Variants in KIRREL3 observed in about 807,000 individuals in gnomAD.
KIRREL3 encodes the protein kirre like nephrin family adhesion molecule 3.
KIRREL3 carries 36 observed loss-of-function variants against 89.7 expected under a neutral mutation model. The ratio of observed to expected loss-of-function variants is 0.40; its 90% CI spans 0.31 to 0.53. The LOEUF (loss-of-function observed/expected upper bound fraction) is 0.53. Ranked by LOEUF, KIRREL3 falls within the 20% of genes least tolerant of loss-of-function variation. The pLI is 0.49. For missense variants in KIRREL3, 864 were observed against 1,056.6 expected, an observed-to-expected ratio of 0.82 and a Z score of 2.53; for synonymous variants, 445 against 441.4, an observed-to-expected ratio of 1.01 and a Z score of -0.10.
rs1322425128 is a variant in KIRREL3 at position 126,797,118 on chromosome 11, C to G, written c.55+203337G>C. 6.6e-6 allele frequency among the ~76,000 whole-genome samples: 1 copy of G among 152,152 alleles called. No individual in the cohort carries two copies. The highest frequency in any genetic ancestry group is 2.4e-5 in the African/African-American group (1 of 41,422). On this transcript the variant is annotated intron_variant, in intron 1 of 16. Transcript: ENST00000525144. This position sits in a 1 kb window ranked among gnomAD's most constrained non-coding sequence, Gnocchi z 4.9. ...GATCCCCCAGAGCCCACATTCGGGG[C>G]CACCTGGAGTTAGCAAATCAGAGGC...
Position 126,565,476 on chromosome 11 carries a change from C to A in KIRREL3, c.56-2564G>T, listed in dbSNP as rs964843949. 6.6e-6 allele frequency among the ~76,000 whole-genome samples: 1 copy of A among 152,134 alleles called. No homozygotes were observed. The highest frequency in any genetic ancestry group is 1.5e-5 in the Non-Finnish European group (1 of 68,040). On this transcript the variant is annotated intron_variant, in intron 1 of 16. Coordinates refer to ENST00000525144, the MANE Select transcript of KIRREL3 (RefSeq NM_032531.4). This position sits in a 1 kb window ranked among gnomAD's most constrained non-coding sequence, Gnocchi z 5.4. ...TGTATTTGGCTCATTTAATTTGACACGCGTGGGTTAGTCTTAATTATTTAG... is the reference window on the plus strand; with the variant it reads ...TGTATTTGGCTCATTTAATTTGACAAGCGTGGGTTAGTCTTAATTATTTAG...
chr11:126,691,988 G>C (rs1310038488), intron 1 of KIRREL3, among the ~76,000 whole-genome samples: 3 of 152,178 alleles, frequency 2.0e-5, no homozygotes, highest in African/African-American at 7.2e-5. Context: ...CACCCATTAC[G>C]ATAGCCACTA....
At chr11:126,885,822 G>T (rs574177206) in intron 1 of KIRREL3, among the ~76,000 whole-genome samples, 4 of 152,272 alleles carry the variant, frequency 2.6e-5, no homozygotes, top group African/African-American at 9.6e-5. Context: ...GGCTTTGAAA[G>T]AGGTTTCACT....
rs1958107045 is a variant in KIRREL3, at chr11:126,508,763, C to T, written c.433+12552G>A. On this transcript the variant is annotated intron_variant, in intron 4 of 16. Transcript: ENST00000525144. The surrounding 1 kb of genome is among the most constrained non-coding windows in gnomAD (Gnocchi z 4.9). ...TGACCTTGGGCAAGGTAATGAGCCT[C>T]TATGTCTCAGCTTCCTCGTCCGTAA... Among the ~76,000 whole-genome samples, 2 of 152,264 alleles carry T rather than the reference C, an allele frequency of 1.3e-5. No individual in the cohort carries two copies. Among genetic ancestry groups the T allele is most frequent in the South Asian group, 2.1e-4 (1 of 4,818 alleles).
At position 126,430,063 on chromosome 11, in the gene KIRREL3, G is replaced by A. The variant is rs1214471292; in HGVS notation, c.1697-775C>T. Among the ~76,000 whole-genome samples, 1 of 152,060 alleles carries A rather than the reference G, an allele frequency of 6.6e-6. No individual in the cohort carries two copies. The highest frequency in any genetic ancestry group is 1.5e-5 in the Non-Finnish European group (1 of 68,020). On this transcript the variant is annotated intron_variant, in intron 14 of 16. Transcript: ENST00000525144. The surrounding 1 kb of genome is among the most constrained non-coding windows in gnomAD (Gnocchi z 6.6). ...GCATGAGACTCGCTTGAATGAACCC[G>A]GGAGGCAGCGGCTGCGGTAAGCCGA...
At chr11:126,781,760 C>T (rs1455003549) in intron 1 of KIRREL3, among the ~76,000 whole-genome samples, 1 of 152,168 alleles carries the variant, frequency 6.6e-6, no homozygotes, top group East Asian at 1.9e-4. Flanking sequence ...GGCTCACCCA[C>T]TTTGATTTAC....
Position 126,900,172 on chromosome 11 carries a change from T to C in KIRREL3, c.55+100283A>G, listed in dbSNP as rs1894223. On this transcript the variant is annotated intron_variant, in intron 1 of 16. Transcript: ENST00000525144. The surrounding 1 kb of genome is among the most constrained non-coding windows in gnomAD (Gnocchi z 4.4). Reference sequence around the variant, plus strand: ...GTGTATCTGTTCCCATGTGTGTAAATATACAGCTCTCATGTGCCTAATTTA... The same window carrying C: ...GTGTATCTGTTCCCATGTGTGTAAACATACAGCTCTCATGTGCCTAATTTA... Among the ~76,000 whole-genome samples, 70,203 of 152,068 alleles carry C rather than the reference T, an allele frequency of 0.46. 18,445 individuals carry two copies. Among genetic ancestry groups the C allele is most frequent in the African/African-American group, 0.72 (30,035 of 41,484 alleles).
chr11:126,828,204 T>A (rs1305414043), intron 1 of KIRREL3, among the ~76,000 whole-genome samples: 1 of 152,236 alleles, frequency 6.6e-6, no homozygotes, highest in East Asian at 1.9e-4. Flanking sequence ...GTTTACTGAG[T>A]GCTTTAACAA....
rs556252199 is a variant in KIRREL3, at chr11:126,719,685, C to G, written c.56-156773G>C. ...ATCCTTCCTTTTGCGACTTCTAAGG[C>G]CACAACCTTAGAAGTCATCCCTGAT... On this transcript the variant is annotated intron_variant, in intron 1 of 16. Transcript: ENST00000525144. This position sits in a 1 kb window ranked among gnomAD's most constrained non-coding sequence, Gnocchi z 4.7. Among the ~76,000 whole-genome samples, 1 of 152,288 alleles carries G rather than the reference C, an allele frequency of 6.6e-6. No individual in the cohort carries two copies. The highest frequency in any genetic ancestry group is 2.1e-4 in the South Asian group (1 of 4,822).
intron 1 of KIRREL3, among the ~76,000 whole-genome samples, chr11:126,725,268 C>T (rs191553036): frequency 3.9e-5 from 6 of 152,262 alleles, no homozygotes; most frequent in Admixed American, 3.3e-4. Context: ...TAGTGAGCTC[C>T]AGAGACTTAG....
chr11:126,472,569 C>T (rs190933765), intron 5 of KIRREL3, among the ~76,000 whole-genome samples: 715 of 152,292 alleles, frequency 4.7e-3, no homozygotes, highest in Non-Finnish European at 8.6e-3. Flanking sequence ...TTGGGAGCCA[C>T]AAACATTCAG....
chr11:126,442,462 G>A (rs1591539428), intron 10 of KIRREL3, among the ~76,000 whole-genome samples: 1 of 152,098 alleles, frequency 6.6e-6, no homozygotes, highest in African/African-American at 2.4e-5. Flanking sequence ...ATGAAAACCA[G>A]GATAAAGGGA....
intron 6 of KIRREL3, 113 bp from the exon 7 acceptor site, chr11:126,456,567 G>GC: frequency 2.9e-6 from 2 of 695,036 alleles, no homozygotes; most frequent in East Asian, 2.7e-5. Flanking sequence ...CCTCAGAGCA[G>GC]CCCCCGCCCT....
chr11:126,659,036 C>G (rs1191706396), intron 1 of KIRREL3, among the ~76,000 whole-genome samples: 1 of 152,190 alleles, frequency 6.6e-6, no homozygotes, highest in Non-Finnish European at 1.5e-5. Flanking sequence ...TTATAGGAAA[C>G]CATTTAGACT....
In KIRREL3 at chr11:126,535,979, C is replaced by A. The variant is rs1937830948; in HGVS notation, c.134-9292G>T. ...CAGCCTAGGGGACAGAGTGAGACTCCATCACAAAAAAAAAGATTTTGGTTG... is the reference window on the plus strand; with the variant it reads ...CAGCCTAGGGGACAGAGTGAGACTCAATCACAAAAAAAAAGATTTTGGTTG... On this transcript the variant is annotated intron_variant, in intron 2 of 16. Coordinates refer to ENST00000525144, the MANE Select transcript of KIRREL3 (RefSeq NM_032531.4). The surrounding 1 kb of genome is among the most constrained non-coding windows in gnomAD (Gnocchi z 4.5). 6.6e-6 allele frequency among the ~76,000 whole-genome samples: 1 copy of A among 151,086 alleles called. No individual in the cohort carries two copies. The highest frequency in any genetic ancestry group is 1.5e-5 in the Non-Finnish European group (1 of 67,792).
chr11:126,824,741 T>C (rs1943347954), intron 1 of KIRREL3, among the ~76,000 whole-genome samples: 1 of 152,228 alleles, frequency 6.6e-6, no homozygotes, highest in Admixed American at 6.5e-5. Flanking sequence ...TTGGTCTGGC[T>C]CAGTAAATCT....
chr11:126,809,928 C>T (rs1951324482), intron 1 of KIRREL3, among the ~76,000 whole-genome samples: 2 of 152,184 alleles, frequency 1.3e-5, no homozygotes, highest in South Asian at 2.1e-4. Context: ...ACGAGGTTGT[C>T]CTGGGGCTCT....
At chr11:126,506,133 T>C (rs1413512980) in intron 4 of KIRREL3, among the ~76,000 whole-genome samples, 1 of 152,210 alleles carries the variant, frequency 6.6e-6, no homozygotes, top group African/African-American at 2.4e-5. Flanking sequence ...AGATTAAATA[T>C]AAAAACTAAA....
intron 1 of KIRREL3, among the ~76,000 whole-genome samples, chr11:126,921,593 T>A (rs1428700038): frequency 4.6e-5 from 1 of 21,830 alleles, no homozygotes; most frequent in African/African-American, 4.8e-4. Flanking sequence ...TATCTATCTA[T>A]CTATCTATCT....
Sources: gnomAD v4.1 joint callset for allele counts (sites outside exome capture counted in the v4.1 genomes callset) on GRCh38, gnomAD v4.1.1 for gene constraint, Gnocchi (gnomAD v3.1) non-coding constraint, MANE v1.5 for transcripts, NCBI Gene and HGNC (gene_info 2026-07-23, HGNC 2026-07-21) for gene names.